SAMD12: variants seen among roughly 807,000 people sequenced by gnomAD.
SAMD12 encodes sterile alpha motif domain-containing protein 12.
In SAMD12, 9 loss-of-function variants were observed where a neutral mutation model predicts 15.0. That is an observed-to-expected ratio of 0.60 (90% confidence interval 0.36 to 1.05). The LOEUF (loss-of-function observed/expected upper bound fraction) is 1.05, where lower values mean the gene tolerates loss of function less well. Among genes scored for constraint, SAMD12 ranks in the 50% least tolerant of loss-of-function variants. The pLI is 0.01. For synonymous variants in SAMD12, 86 were observed against 90.1 expected, an observed-to-expected ratio of 0.96 and a Z score of 0.25; for missense variants, 230 against 234.2, an observed-to-expected ratio of 0.98 and a Z score of 0.12.
chr8:118,276,925 G>A (rs1813488945), intron 4 of SAMD12, among the ~76,000 whole-genome samples: 2 of 152,058 alleles, frequency 1.3e-5, no homozygotes, highest in African/African-American at 4.8e-5. Flanking sequence ...CACCCACCTC[G>A]GCCTCCCAAA....
At chr8:118,334,577 G>A (rs561279011) in intron 4 of SAMD12, among the ~76,000 whole-genome samples, 3 of 151,880 alleles carry the variant, frequency 2.0e-5, no homozygotes, top group Admixed American at 6.6e-5. Context: ...CCCATAATTT[G>A]AGCATCATTT....
At chr8:118,619,177 G>A (rs1409637226) in intron 1 of SAMD12, among the ~76,000 whole-genome samples, 1 of 152,136 alleles carries the variant, frequency 6.6e-6, no homozygotes, top group Non-Finnish European at 1.5e-5. Flanking sequence ...TCACCCAGCA[G>A]TAGAGGTAAA....
chr8:118,558,559 T>TTTTGTTTG (rs1013863077), intron 2 of SAMD12, among the ~76,000 whole-genome samples: 4 of 151,968 alleles, frequency 2.6e-5, no homozygotes, highest in African/African-American at 7.2e-5. Flanking sequence ...TTTTTGTTTT[T>TTTTGTTTG]TTTGTTTGTT....
At chr8:118,412,201 CT>C (rs1191337986) in intron 3 of SAMD12, among the ~76,000 whole-genome samples, 1 of 152,120 alleles carries the variant, frequency 6.6e-6, no homozygotes, top group African/African-American at 2.4e-5. Flanking sequence ...AGACCTGTGT[CT>C]TTTGTGGTTA....
chr8:118,423,044 G>A (rs1409431869), intron 3 of SAMD12, among the ~76,000 whole-genome samples: 3 of 152,138 alleles, frequency 2.0e-5, no homozygotes, highest in Non-Finnish European at 2.9e-5. Flanking sequence ...GCCAAGTGTG[G>A]TAGTGTGCGC....
At chr8:118,549,279 C>G (rs1330260727) in intron 2 of SAMD12, among the ~76,000 whole-genome samples, 1 of 152,212 alleles carries the variant, frequency 6.6e-6, no homozygotes, top group Non-Finnish European at 1.5e-5. Flanking sequence ...GAGGCACCCC[C>G]CAAGTAGGGG....
At chr8:118,463,593 C>T (rs1823499869) in intron 2 of SAMD12, among the ~76,000 whole-genome samples, 2 of 152,040 alleles carry the variant, frequency 1.3e-5, no homozygotes, top group Admixed American at 1.3e-4. Flanking sequence ...TGGGAGAATC[C>T]TGATGAAGGG....
intron 4 of SAMD12, chr8:118,291,096 T>C (rs1240558776): frequency 1.3e-5 from 2 of 152,262 alleles, no homozygotes; most frequent in Non-Finnish European, 2.9e-5. Flanking sequence ...CCTAGTACAA[T>C]GAAAATGTTA....
intron 3 of SAMD12, among the ~76,000 whole-genome samples, chr8:118,383,297 G>A (rs1819769439): frequency 6.6e-6 from 1 of 152,126 alleles, no homozygotes; most frequent in African/African-American, 2.4e-5. Context: ...CATGGCAAAT[G>A]TCTACGAGTA....
At chr8:118,158,159 A>C in the SAMD12 span, among the ~76,000 whole-genome samples, 3 of 152,222 alleles carry the variant, frequency 2.0e-5, no homozygotes, top group Non-Finnish European at 2.9e-5. Flanking sequence ...GATCTGTAGA[A>C]GGTACATCTT....
chr8:118,197,864 T>A, intron 4 of SAMD12: 1 of 814,924 alleles, frequency 1.2e-6, no homozygotes, highest in Non-Finnish European at 2.1e-6. Flanking sequence ...GTCAGAATAA[T>A]GGTTACTCAA....
chr8:118,548,600 G>A (rs376052394), intron 2 of SAMD12, among the ~76,000 whole-genome samples: 3 of 152,346 alleles, frequency 2.0e-5, no homozygotes, highest in South Asian at 2.1e-4. Flanking sequence ...CGTGAGCGAC[G>A]CAGAAGACGG....
chr8:118,596,754 C>A (rs922852475), intron 1 of SAMD12, among the ~76,000 whole-genome samples: 2 of 152,230 alleles, frequency 1.3e-5, no homozygotes, highest in Admixed American at 6.5e-5. Flanking sequence ...TTGCCAGGAA[C>A]TTTGCCGGAC....
intron 4 of SAMD12, among the ~76,000 whole-genome samples, chr8:118,250,751 C>T (rs914962021): frequency 2.0e-5 from 3 of 151,960 alleles, no homozygotes; most frequent in African/African-American, 2.4e-5. Context: ...GTAATCCGCC[C>T]GCTTCAGCCT....
intron 2 of SAMD12, among the ~76,000 whole-genome samples, chr8:118,467,070 T>C (rs1410287330): frequency 1.3e-5 from 2 of 152,166 alleles, no homozygotes; most frequent in Admixed American, 6.5e-5. Flanking sequence ...AACAGGCAGC[T>C]GGGAACAGAA....
intron 2 of SAMD12, among the ~76,000 whole-genome samples, chr8:118,476,988 G>A (rs1476447273): frequency 2.6e-5 from 4 of 151,804 alleles, no homozygotes; most frequent in African/African-American, 4.8e-5. Flanking sequence ...CTGTACCTGC[G>A]TATTTCAGCA....
intron 4 of SAMD12, among the ~76,000 whole-genome samples, chr8:118,292,932 G>A (rs906956834): frequency 6.6e-6 from 1 of 150,868 alleles, no homozygotes; most frequent in Non-Finnish European, 1.5e-5. Context: ...GGATAGCACT[G>A]GGAGATATAC....
intron 2 of SAMD12, among the ~76,000 whole-genome samples, chr8:118,543,605 T>A (rs1298670403): frequency 1.9e-5 from 2 of 104,708 alleles, no homozygotes; most frequent in African/African-American, 1.4e-4. Context: ...CATTATGAGA[T>A]TTTTTTTTCT....
At chr8:118,185,785 A>G (rs1819233248), downstream of SAMD12, among the ~76,000 whole-genome samples, 1 of 152,218 alleles carries the variant, frequency 6.6e-6, no homozygotes, top group Non-Finnish European at 1.5e-5. Flanking sequence ...TGATAGGCTA[A>G]CGGGGTTGAA....
Sources: allele counts gnomAD v4.1 joint callset (sites outside exome capture counted in the v4.1 genomes callset), GRCh38; gene constraint gnomAD v4.1.1; transcripts MANE v1.5; gene names NCBI Gene and HGNC (gene_info 2026-07-23, HGNC 2026-07-21).